The following NOL4 variants were observed in gnomAD, a reference collection of about 807,000 sequenced individuals.
The protein encoded by NOL4 is cancer/testis antigen 125.
A neutral mutation model predicts 75.9 loss-of-function variants in NOL4; 17 were observed. That is an observed-to-expected ratio of 0.22 (90% CI 0.15 to 0.34). The LOEUF is 0.34. Ranked by LOEUF, NOL4 falls within the 10% of genes least tolerant of loss-of-function variation. The pLI is 1.00. For synonymous variants in NOL4, 292 were observed against 289.9 expected, an observed-to-expected ratio of 1.01 and a Z score of -0.07; for missense variants, 614 against 793.5, an observed-to-expected ratio of 0.77 and a Z score of 2.72.
At chr18:34,132,192 T>C (rs545893159) in intron 1 of NOL4, among the ~76,000 whole-genome samples, 1 of 152,344 alleles carries the variant, frequency 6.6e-6, no homozygotes, top group Admixed American at 6.5e-5. Flanking sequence ...AGGACCCTTA[T>C]GATGAGATTT....
At chr18:33,981,972 T>C (rs1356022311) in intron 6 of NOL4, among the ~76,000 whole-genome samples, 1 of 152,100 alleles carries the variant, frequency 6.6e-6, no homozygotes, top group Admixed American at 6.6e-5. Context: ...TATAGTCTTA[T>C]TTGAAGGTGG....
In NOL4 at chr18:34,160,089, A is replaced by G. The variant is rs555500131; in HGVS notation, c.265-30069T>C. On this transcript the variant is annotated intron_variant, in intron 1 of 10. Coordinates refer to ENST00000261592, the MANE Select transcript of NOL4 (RefSeq NM_003787.5). ...GGAGCAAAACAAACCCAGGCGGAGA[A>G]GGGTGTCTTTTCTGGCAGCTAAGTC... Among the ~76,000 whole-genome samples, 8 of 152,288 alleles carry G rather than the reference A, an allele frequency of 5.3e-5. No homozygotes were observed. The East Asian group carries it at 1.5e-3, about 29-fold the overall frequency.
chr18:33,947,449 AG>A (rs1040182509), intron 8 of NOL4, among the ~76,000 whole-genome samples: 9 of 151,780 alleles, frequency 5.9e-5, no homozygotes, highest in Non-Finnish European at 1.2e-4. Context: ...TAATAATTGG[AG>A]ATAGGAATAT....
chr18:33,903,764 G>T (rs955024518), intron 9 of NOL4, among the ~76,000 whole-genome samples: 34 of 151,952 alleles, frequency 2.2e-4, no homozygotes, highest in Middle Eastern at 3.2e-3. Context: ...TGACCTTTTT[G>T]CTTGAAACCT....
chr18:34,010,346 C>T lies in NOL4; in HGVS notation c.1056+8972G>A, dbSNP rs993519046. Reference sequence around the variant, plus strand: ...AAATGACAGAATTTCGTTATTTTTACGGCTGAATAGTATTCCATTGTGTAT... The same window carrying T: ...AAATGACAGAATTTCGTTATTTTTATGGCTGAATAGTATTCCATTGTGTAT... On this transcript the variant is annotated intron_variant, in intron 6 of 10. Transcript: ENST00000261592. Among the ~76,000 whole-genome samples, 10 of 151,810 alleles carry T rather than the reference C, an allele frequency of 6.6e-5. No homozygotes were observed. In the East Asian group the frequency reaches 9.7e-4, roughly 15 times the overall value.
intron 6 of NOL4, among the ~76,000 whole-genome samples, chr18:33,967,091 G>A (rs574956573): frequency 7.5e-4 from 114 of 152,160 alleles, no homozygotes; most frequent in Non-Finnish European, 1.4e-3. Context: ...ACAAGGATAC[G>A]ATAACGAAAA....
At chr18:34,108,904 G>A (rs148377736) in intron 2 of NOL4, among the ~76,000 whole-genome samples, 85 of 152,200 alleles carry the variant, frequency 5.6e-4, no homozygotes, top group African/African-American at 1.4e-3. Flanking sequence ...TACTACTCAC[G>A]TGAACAGGGA....
intron 6 of NOL4, among the ~76,000 whole-genome samples, chr18:33,985,789 TGA>T (rs2072395303): frequency 6.6e-6 from 1 of 152,128 alleles, no homozygotes; most frequent in African/African-American, 2.4e-5. Context: ...GGGAAAGGCA[TGA>T]AATACAGAAG....
intron 9 of NOL4, among the ~76,000 whole-genome samples, chr18:33,898,671 C>T (rs1028869733): frequency 4.6e-5 from 7 of 152,160 alleles, no homozygotes; most frequent in Admixed American, 6.6e-5. Context: ...AGCTCATCAT[C>T]TCTCATTTGA....
chr18:33,941,931 C>G (rs373291367), intron 9 of NOL4, among the ~76,000 whole-genome samples: 1 of 151,886 alleles, frequency 6.6e-6, no homozygotes, highest in Non-Finnish European at 1.5e-5. Context: ...ACTGGTGGCA[C>G]GATTAGCACA....
At chr18:34,063,834 A>C (rs1311709852) in intron 5 of NOL4, among the ~76,000 whole-genome samples, 1 of 152,044 alleles carries the variant, frequency 6.6e-6, no homozygotes, top group Admixed American at 6.6e-5. Context: ...TATATCACTG[A>C]ATATTACATT....
chr18:34,026,426 C>G (rs2075344598), intron 5 of NOL4, among the ~76,000 whole-genome samples: 1 of 152,138 alleles, frequency 6.6e-6, no homozygotes, highest in East Asian at 1.9e-4. Flanking sequence ...CTAGTAATAT[C>G]AGCTATTCCC....
rs771630329 is a variant in NOL4, at chr18:33,883,308, A to G, written c.1659T>C (p.Tyr553=). 64 of 1,613,138 alleles carry G rather than the reference A, an allele frequency of 4.0e-5. No homozygotes were observed. The highest frequency in any genetic ancestry group is 5.2e-5 in the Non-Finnish European group (61 of 1,179,414). ...DVLYINGNGT[Y]SYHSYRGLGG... is the part of the protein sequence containing the mutation. ...CTAGCCCTCTGTAACTATGGTAACT[A>G]TAGGTCCCATTTCCATTGATGTACA... Residue 553 remains tyrosine, a synonymous_variant, in exon 10 of 11, where the codon TAT becomes TAC. Coordinates refer to ENST00000261592, the MANE Select transcript of NOL4 (RefSeq NM_003787.5).
chr18:33,926,149 C>T (rs2067308504), intron 9 of NOL4, among the ~76,000 whole-genome samples: 1 of 151,878 alleles, frequency 6.6e-6, no homozygotes, highest in Non-Finnish European at 1.5e-5. Context: ...ATCACAAGGT[C>T]AAGAGATCGA....
At chr18:33,982,304 T>C (rs1023326516) in intron 6 of NOL4, among the ~76,000 whole-genome samples, 2 of 152,068 alleles carry the variant, frequency 1.3e-5, no homozygotes, top group Admixed American at 1.3e-4. Context: ...AACCACATGC[T>C]GTCCACAAGA....
chr18:34,069,006 A>G (rs2077399352), intron 5 of NOL4, among the ~76,000 whole-genome samples: 1 of 152,182 alleles, frequency 6.6e-6, no homozygotes, highest in Admixed American at 6.5e-5. Context: ...TCTAAAAGAT[A>G]CATGAAGGAA....
intron 2 of NOL4, among the ~76,000 whole-genome samples, chr18:34,126,219 A>G (rs2080382672): frequency 6.6e-6 from 1 of 152,182 alleles, no homozygotes; most frequent in South Asian, 2.1e-4. Context: ...ATTTTAGCAC[A>G]CAATGTATAT....
intron 5 of NOL4, among the ~76,000 whole-genome samples, chr18:34,036,090 C>T (rs1167437541): frequency 6.6e-6 from 1 of 151,866 alleles, no homozygotes; most frequent in Non-Finnish European, 1.5e-5. Context: ...TCAAAAAAAT[C>T]AAAGAGAAGG....
At chr18:34,070,796 T>C (rs2145250924) in intron 5 of NOL4, among the ~76,000 whole-genome samples, 1 of 152,280 alleles carries the variant, frequency 6.6e-6, no homozygotes, top group South Asian at 2.1e-4. Context: ...AATACATAGG[T>C]ATATATAAAG....
Sources: allele counts gnomAD v4.1 joint callset (sites outside exome capture counted in the v4.1 genomes callset), GRCh38; gene constraint gnomAD v4.1.1; transcripts MANE v1.5; gene names NCBI Gene and HGNC (gene_info 2026-07-23, HGNC 2026-07-21).